ATP13A4: variants seen among roughly 807,000 people sequenced by gnomAD.
The protein encoded by ATP13A4 is ATPase 13A4, also known as probable cation-transporting ATPase 13A4.
ATP13A4 carries 114 observed loss-of-function variants against 142.5 expected under a neutral mutation model. That is an observed-to-expected ratio of 0.80 (90% confidence interval 0.69 to 0.93). The LOEUF (loss-of-function observed/expected upper bound fraction) is 0.93. ATP13A4 is among the 40% of genes least tolerant of loss of function. The pLI is 0.00. For synonymous variants in ATP13A4, 488 were observed against 514.8 expected (o/e 0.95, Z 0.70); for missense variants, 1,392 against 1,454.0 (o/e 0.96, Z 0.69).
In ATP13A4 at chr3:193,405,842, G is replaced by A. The variant is rs532935376; in HGVS notation, c.3378+1471C>T. Reference sequence around the variant, plus strand: ...AGGATGGAATAGCACTTTAATATGCGGAAATGGAGGAAACATACACCACAC... The same window carrying A: ...AGGATGGAATAGCACTTTAATATGCAGAAATGGAGGAAACATACACCACAC... On this transcript the variant is annotated intron_variant, in intron 29 of 29. Transcript: ENST00000342695. Among the ~76,000 whole-genome samples the A allele has an allele frequency of 3.3e-5, 5 of 152,178 alleles. No individual in the cohort carries two copies. In the East Asian group the frequency reaches 5.8e-4, roughly 18 times the overall value.
chr3:193,588,625 C>T (rs1263993069), intron 1 of ATP13A4, among the ~76,000 whole-genome samples: 1 of 152,130 alleles, frequency 6.6e-6, no homozygotes, highest in Non-Finnish European at 1.5e-5. Context: ...CTCAGTTTCC[C>T]TCTTTACAAA....
At position 193,470,881 on chromosome 3, in the gene ATP13A4, C is replaced by T. The variant is rs1718579718; in HGVS notation, c.921G>A (p.Val307=). ...TACCTGTCAGCATGCCTTCATCCAC[C>T]ACACAGCTGCCTTCAATCAGAACGG... ...CDAVLIEGSC[V]VDEGMLTGES... is the part of the protein sequence containing the mutation. The change falls in exon 9 of 30, where the codon GTG becomes GTA. Residue 307 remains valine, a synonymous_variant. Coordinates refer to ENST00000342695, the MANE Select transcript of ATP13A4 (RefSeq NM_032279.4). 1 of 1,613,984 alleles carries T rather than the reference C, an allele frequency of 6.2e-7. No homozygotes were observed. The highest frequency in any genetic ancestry group is 1.3e-5 in the African/African-American group (1 of 74,908).
intron 1 of ATP13A4, among the ~76,000 whole-genome samples, chr3:193,528,383 T>C (rs751447154): frequency 6.6e-6 from 1 of 152,212 alleles, no homozygotes; most frequent in African/African-American, 2.4e-5. Context: ...ATTCTTAAGA[T>C]GGCACCATCA....
At chr3:193,529,436 GAACATATTTCACAACA>G (rs1194098224) in intron 1 of ATP13A4, among the ~76,000 whole-genome samples, 1 of 151,608 alleles carries the variant, frequency 6.6e-6, no homozygotes. Context: ...TATATAACAA[GAACATATTTCACAACA>G]AAAGAAAGGG....
At chr3:193,500,291 T>A (rs1459908548) in intron 3 of ATP13A4, among the ~76,000 whole-genome samples, 3 of 152,114 alleles carry the variant, frequency 2.0e-5, no homozygotes, top group Non-Finnish European at 4.4e-5. Context: ...TATAAGAGCA[T>A]CCTGTTTAAC....
chr3:193,416,370 TA>T (rs1337227073), intron 25 of ATP13A4, among the ~76,000 whole-genome samples: 2 of 152,090 alleles, frequency 1.3e-5, no homozygotes, highest in Non-Finnish European at 2.9e-5. Context: ...ACTTATTAGG[TA>T]AAGACTTTAA....
intron 2 of ATP13A4, among the ~76,000 whole-genome samples, chr3:193,511,196 G>A (rs1418088894): frequency 3.9e-5 from 6 of 152,168 alleles, no homozygotes; most frequent in South Asian, 2.1e-4. Context: ...GATTGAAGCC[G>A]GCTTAGACTG....
intron 18 of ATP13A4, among the ~76,000 whole-genome samples, chr3:193,444,657 CAT>C (rs1289012481): frequency 2.0e-5 from 3 of 152,160 alleles, no homozygotes; most frequent in Non-Finnish European, 2.9e-5. Context: ...ACGATAATAA[CAT>C]AAAGAAGAGA....
intron 25 of ATP13A4, among the ~76,000 whole-genome samples, chr3:193,430,541 T>C (rs1266895991): frequency 6.6e-6 from 1 of 152,136 alleles, no homozygotes; most frequent in Non-Finnish European, 1.5e-5. Flanking sequence ...ACTGGCTTCT[T>C]CACTATTAAA....
At chr3:193,502,698 C>A in intron 2 of ATP13A4, 59 bp from the exon 3 acceptor site, 1 of 1,496,128 alleles carries the variant, frequency 6.7e-7, no homozygotes, top group Admixed American at 1.7e-5. Flanking sequence ...GGCTACAATT[C>A]AACCTGAGAA....
intron 16 of ATP13A4, among the ~76,000 whole-genome samples, chr3:193,454,987 A>T (rs1017913766): frequency 6.6e-6 from 1 of 152,210 alleles, no homozygotes; most frequent in Non-Finnish European, 1.5e-5. Flanking sequence ...AATATCCAGC[A>T]TCTATAAGGA....
At chr3:193,581,069 C>A (rs1449966711) in intron 2 of ATP13A4, among the ~76,000 whole-genome samples, 1 of 152,144 alleles carries the variant, frequency 6.6e-6, no homozygotes, top group Non-Finnish European at 1.5e-5. Flanking sequence ...ATGAGTTTAG[C>A]TCTGACATGA....
chr3:193,459,147 CAG>C lies in ATP13A4; in HGVS notation c.1606_1607del (p.Leu536AspfsTer4). Reference sequence around the variant, plus strand: ...CCTGGATGGTCCCATCAAGAAGGATCAGAGAGTGGCAGCTGGCCATCGCTGCA... The same window carrying C: ...CCTGGATGGTCCCATCAAGAAGGATCAGAGTGGCAGCTGGCCATCGCTGCA... ...LCAAMASCHS[L>X]ILLDGTIQGD... is the part of the protein sequence containing the mutation. On this transcript the variant is annotated frameshift_variant, in exon 14 of 30. Coordinates refer to ENST00000342695, the MANE Select transcript of ATP13A4 (RefSeq NM_032279.4). LOFTEE classifies it high-confidence loss of function. 5 of 1,614,222 alleles carry C rather than the reference CAG, an allele frequency of 3.1e-6. No homozygotes were observed. The highest frequency in any genetic ancestry group is 4.2e-6 in the Non-Finnish European group (5 of 1,180,040).
At chr3:193,478,357 A>T (rs1354893181) in intron 8 of ATP13A4, among the ~76,000 whole-genome samples, 1 of 152,034 alleles carries the variant, frequency 6.6e-6, no homozygotes, top group Non-Finnish European at 1.5e-5. Flanking sequence ...GAAAAGATAA[A>T]TAAAATTGAT....
At chr3:193,415,213 T>G (rs897335166) in intron 25 of ATP13A4, among the ~76,000 whole-genome samples, 2 of 152,210 alleles carry the variant, frequency 1.3e-5, no homozygotes, top group Non-Finnish European at 2.9e-5. Flanking sequence ...TACAATAAGT[T>G]ATGGTACATC....
chr3:193,472,079 C>T (rs370302756), intron 8 of ATP13A4, among the ~76,000 whole-genome samples: 99 of 152,228 alleles, frequency 6.5e-4, no homozygotes, highest in African/African-American at 2.2e-3. Context: ...GGAGCATCAG[C>T]GGTGATGAAA....
At chr3:193,437,454 A>C (rs1166469547) in intron 23 of ATP13A4, among the ~76,000 whole-genome samples, 1 of 152,222 alleles carries the variant, frequency 6.6e-6, no homozygotes, top group East Asian at 1.9e-4. Flanking sequence ...GACCTAGCCA[A>C]ATTATTATTT....
intron 8 of ATP13A4, among the ~76,000 whole-genome samples, chr3:193,479,493 A>G (rs138365681): frequency 6.6e-6 from 1 of 152,320 alleles, no homozygotes; most frequent in East Asian, 1.9e-4. Context: ...CTGAGAAAAA[A>G]GTCAAGAACG....
intron 13 of ATP13A4, among the ~76,000 whole-genome samples, chr3:193,459,585 C>T (rs1717834554): frequency 6.6e-6 from 1 of 152,104 alleles, no homozygotes; most frequent in African/African-American, 2.4e-5. Context: ...TTACAGGCAG[C>T]CACCACCATG....
Sources: gnomAD v4.1 joint callset for allele counts (sites outside exome capture counted in the v4.1 genomes callset) on GRCh38, gnomAD v4.1.1 for gene constraint, MANE v1.5 for transcripts, NCBI Gene and HGNC (gene_info 2026-07-23, HGNC 2026-07-21) for gene names.